Variants in ENTPD1 observed in about 807,000 individuals in gnomAD.
The protein encoded by ENTPD1 is ATP diphosphohydrolase.
Under a neutral mutation model 57.0 loss-of-function variants are expected in ENTPD1, and 33 were observed. The observed-to-expected ratio is 0.58, with a 90% confidence interval of 0.44 to 0.77. ENTPD1 has a LOEUF of 0.77. Ranked by LOEUF, ENTPD1 falls within the 30% of genes least tolerant of loss-of-function variation. ENTPD1 has a pLI of 0.00. For missense variants in ENTPD1, 501 were observed against 603.4 expected (o/e 0.83, Z 1.78); for synonymous variants, 202 against 218.8 (o/e 0.92, Z 0.68).
chr10:95,782,134 T>A (rs966234466), intron 1 of ENTPD1, among the ~76,000 whole-genome samples: 2 of 152,238 alleles, frequency 1.3e-5, no homozygotes, highest in Admixed American at 1.3e-4. Context: ...TGGTTTGCAG[T>A]GATCTATAAA....
rs2098203926 is a variant in ENTPD1 at position 95,791,589 on chromosome 10, T to A, written c.17-31648T>A. On this transcript the variant is annotated intron_variant, in intron 1 of 9. Coordinates refer to ENST00000371205, the MANE Select transcript of ENTPD1 (RefSeq NM_001776.6). The surrounding 1 kb of genome is among the most constrained non-coding windows in gnomAD (Gnocchi z 4.1). ...CTGGCAATGGCTTAGACTACCTGGA[T>A]ATGCACTTCTGTCCCATCAGTGGAG... 3.3e-5 allele frequency among the ~76,000 whole-genome samples: 5 copies of A among 152,196 alleles called. No individual in the cohort carries two copies. Among genetic ancestry groups the A allele is most frequent in the Admixed American group, 3.3e-4 (5 of 15,280 alleles).
upstream of ENTPD1, chr10:95,755,008 GC>G (rs1346057466): frequency 6.6e-6 from 1 of 152,198 alleles, no homozygotes; most frequent in African/African-American, 2.4e-5. Context: ...GGTATAACTG[GC>G]TTTAGATACA....
At chr10:95,796,752 C>T (rs1464047315) in intron 1 of ENTPD1, among the ~76,000 whole-genome samples, 1 of 152,050 alleles carries the variant, frequency 6.6e-6, no homozygotes, top group Non-Finnish European at 1.5e-5. Flanking sequence ...GAGGACTCTA[C>T]AGAAGTTATT....
chr10:95,759,011 C>A (rs546160390), intron 1 of ENTPD1, among the ~76,000 whole-genome samples: 1 of 152,334 alleles, frequency 6.6e-6, no homozygotes, highest in African/African-American at 2.4e-5. Context: ...ACATCCCAAG[C>A]TTTCCTTAGA....
intron 2 of ENTPD1, among the ~76,000 whole-genome samples, chr10:95,836,907 G>C (rs1354374020): frequency 6.6e-6 from 1 of 152,310 alleles, no homozygotes; most frequent in Non-Finnish European, 1.5e-5. Flanking sequence ...AGCTTTATCT[G>C]TCTCTCAAGC....
intron 1 of ENTPD1, among the ~76,000 whole-genome samples, chr10:95,819,668 A>G (rs2098342074): frequency 6.6e-6 from 1 of 152,124 alleles, no homozygotes; most frequent in African/African-American, 2.4e-5. Context: ...TCTCTCTGTC[A>G]GGTGAAGAGT....
At chr10:95,847,012 G>A (rs1392913393) in intron 6 of ENTPD1, among the ~76,000 whole-genome samples, 1 of 151,976 alleles carries the variant, frequency 6.6e-6, no homozygotes, top group Non-Finnish European at 1.5e-5. Flanking sequence ...ATTTTTCTTG[G>A]ATAGGAGAAT....
In ENTPD1 at chr10:95,868,751, C is replaced by T. The variant is rs1475280721; in HGVS notation, c.*2368C>T. On this transcript the variant is annotated 3_prime_UTR_variant, in exon 10 of 10. Transcript: ENST00000371205. ...GCTTTTTCTTTTCTAAACACTTTCC[C>T]TCAGCAAGTTGGAATTAGACTTCAC... 1.0e-6 allele frequency: 1 copy of T among 985,230 alleles called. No individual in the cohort carries two copies. Among genetic ancestry groups the T allele is most frequent in the Non-Finnish European group, 1.2e-6 (1 of 829,924 alleles). 61.0% of individuals were successfully genotyped at this position (985,230 alleles called of 1,614,324 possible). A position where few individuals can be genotyped will look rare whatever the true frequency, so the allele number is the denominator to read the frequency against.
At chr10:95,761,403 G>A (rs2098061821) in intron 1 of ENTPD1, among the ~76,000 whole-genome samples, 1 of 152,138 alleles carries the variant, frequency 6.6e-6, no homozygotes, top group Admixed American at 6.5e-5. Flanking sequence ...GTTCCCAGGC[G>A]ATGATAATGC....
At chr10:95,850,785 T>C (rs1006997368) in intron 7 of ENTPD1, among the ~76,000 whole-genome samples, 5 of 152,206 alleles carry the variant, frequency 3.3e-5, no homozygotes, top group African/African-American at 9.7e-5. Context: ...GTTCCTGTTA[T>C]CGAGTCCTGC....
chr10:95,700,953 T>C, the ENTPD1 span, among the ~76,000 whole-genome samples: 128 of 152,166 alleles, frequency 8.4e-4, no homozygotes, highest in African/African-American at 2.7e-3. Context: ...CCACCACGCC[T>C]GGCTAATGTT....
intron 4 of ENTPD1, among the ~76,000 whole-genome samples, chr10:95,842,731 G>T (rs2098425172): frequency 6.6e-6 from 1 of 152,154 alleles, no homozygotes; most frequent in African/African-American, 2.4e-5. Flanking sequence ...CCCTATGGGG[G>T]ATTCAAAGGG....
intron 1 of ENTPD1, among the ~76,000 whole-genome samples, chr10:95,728,927 TAG>T (rs1261864373): frequency 7.2e-5 from 11 of 152,192 alleles, no homozygotes; most frequent in African/African-American, 2.7e-4. Flanking sequence ...CTTTTTATAA[TAG>T]AGTTACATAT....
chr10:95,781,517 G>T (rs1020485682), intron 1 of ENTPD1, among the ~76,000 whole-genome samples: 3 of 152,002 alleles, frequency 2.0e-5, no homozygotes, highest in Admixed American at 1.3e-4. Flanking sequence ...TGATTATTAC[G>T]CATTGCATGC....
chr10:95,714,509 C>T (rs1365390251), intron 1 of ENTPD1, among the ~76,000 whole-genome samples: 1 of 152,086 alleles, frequency 6.6e-6, no homozygotes, highest in Non-Finnish European at 1.5e-5. Context: ...ATTTTGTCTA[C>T]CAAACCATGT....
At chr10:95,841,084 A>AT (rs2098421523) in intron 3 of ENTPD1, among the ~76,000 whole-genome samples, 1 of 152,112 alleles carries the variant, frequency 6.6e-6, no homozygotes, top group African/African-American at 2.4e-5. Flanking sequence ...ACTGCCTTCC[A>AT]TTTTTAAAAG....
chr10:95,766,762 G>A (rs1045537256), intron 1 of ENTPD1, among the ~76,000 whole-genome samples: 3 of 151,428 alleles, frequency 2.0e-5, no homozygotes, highest in African/African-American at 4.9e-5. Flanking sequence ...TCTCTTTAGT[G>A]TTTAATGTTT....
the ENTPD1 span, among the ~76,000 whole-genome samples, chr10:95,697,535 A>C: frequency 6.6e-6 from 1 of 152,192 alleles, no homozygotes. Context: ...CTCTGCCTTC[A>C]TGAATGGACT....
At chr10:95,817,339 G>A (rs1160077822) in intron 1 of ENTPD1, among the ~76,000 whole-genome samples, 1 of 152,198 alleles carries the variant, frequency 6.6e-6, no homozygotes, top group East Asian at 1.9e-4. Flanking sequence ...ACTTGGCTGT[G>A]TGGCCTGACC....
Sources: allele counts gnomAD v4.1 joint callset (sites outside exome capture counted in the v4.1 genomes callset), GRCh38; gene constraint gnomAD v4.1.1; non-coding constraint Gnocchi (gnomAD v3.1); transcripts MANE v1.5; gene names NCBI Gene and HGNC (gene_info 2026-07-23, HGNC 2026-07-21).